The following HINFP variants were observed in gnomAD, a reference collection of about 807,000 sequenced individuals.
HINFP encodes the protein histone H4 transcription factor, also known as MBD2 (methyl-CpG-binding protein)-interacting zinc finger protein.
In HINFP, 20 loss-of-function variants were observed where a neutral mutation model predicts 50.1. That is an observed-to-expected ratio of 0.40 (90% CI 0.28 to 0.58). The LOEUF (loss-of-function observed/expected upper bound fraction) is 0.58, where lower values mean the gene tolerates loss of function less well. HINFP is among the 20% of genes least tolerant of loss of function. HINFP has a pLI of 0.45. For synonymous variants in HINFP, 247 were observed against 243.7 expected, an observed-to-expected ratio of 1.01 and a Z score of -0.13; for missense variants, 505 against 664.1, an observed-to-expected ratio of 0.76 and a Z score of 2.63.
At chr11:119,128,446 C>T (rs1947547697) in intron 2 of HINFP, among the ~76,000 whole-genome samples, 1 of 151,704 alleles carries the variant, frequency 6.6e-6, no homozygotes, top group Admixed American at 6.6e-5. Context: ...GCTGGGATTA[C>T]AGGTGCGTGC....
chr11:119,127,420 C>T (rs558210403), intron 2 of HINFP: 62 of 170,324 alleles, frequency 3.6e-4, no homozygotes, highest in Middle Eastern at 2.3e-3. Flanking sequence ...GATGAATGTG[C>T]TTTTTTTTAA....
At chr11:119,133,836 A>G (rs1031050607) in intron 9 of HINFP, 1 of 590,092 alleles carries the variant, frequency 1.7e-6, no homozygotes, top group Non-Finnish European at 3.0e-6. Flanking sequence ...TTCACCCTCC[A>G]ACACAGTCAG....
At chr11:119,122,200 A>G (rs1372834236) in intron 1 of HINFP, among the ~76,000 whole-genome samples, 1 of 152,186 alleles carries the variant, frequency 6.6e-6, no homozygotes, top group South Asian at 2.1e-4. Flanking sequence ...TCCTCAGAGT[A>G]GAAACAAGAG....
rs188590255 is a variant in HINFP, at chr11:119,131,285, G to A, written c.412-250G>A. On this transcript the variant is annotated intron_variant, in intron 3 of 9. Coordinates refer to ENST00000350777, the MANE Select transcript of HINFP (RefSeq NM_198971.3). This position sits in a 1 kb window ranked among gnomAD's most constrained non-coding sequence, Gnocchi z 4.2. The stretch of plus-strand genomic sequence containing the variant: ...TAAATTTTTTGTAGAGACAAGGTCT[G>A]GGTGTGTTGCCCAGGCCGGTCTCGA... 1 of 571,620 alleles carries A rather than the reference G, an allele frequency of 1.7e-6. No individual in the cohort carries two copies. Among genetic ancestry groups the A allele is most frequent in the African/African-American group, 1.9e-5 (1 of 53,764 alleles). 35.4% of individuals were successfully genotyped at this position (571,620 alleles called of 1,614,324 possible). A position where few individuals can be genotyped will look rare whatever the true frequency, so the allele number is the denominator to read the frequency against.
chr11:119,129,524 G>A (rs1378986228), intron 2 of HINFP, among the ~76,000 whole-genome samples: 1 of 126,452 alleles, frequency 7.9e-6, no homozygotes, highest in Non-Finnish European at 1.7e-5. Context: ...GCAGTGGCTC[G>A]ATCTCCGCTC....
At chr11:119,133,583 A>ATAAT (rs1164332637) in intron 9 of HINFP, 60 of 193,948 alleles carry the variant, frequency 3.1e-4, no homozygotes, top group African/African-American at 1.4e-3. Context: ...CATCTCAAAA[A>ATAAT]TAAATAAATA....
In HINFP at chr11:119,130,753, A is replaced by G. The variant is rs1476507779; in HGVS notation, c.210A>G (p.Glu70=). Residue 70 remains glutamate (E), a synonymous_variant, in exon 3 of 10, where the codon GAA becomes GAG. Coordinates refer to ENST00000350777, the MANE Select transcript of HINFP (RefSeq NM_198971.3). ...LEEEFSCLWQ[E]CGFCSLDSSA... The stretch of plus-strand genomic sequence containing the variant: ...AAGAATTCTCCTGCTTGTGGCAGGA[A>G]TGTGGCTTTTGTTCTCTGGACAGTT... 1 of 1,614,200 alleles carries G rather than the reference A, an allele frequency of 6.2e-7. No individual in the cohort carries two copies. The highest frequency in any genetic ancestry group is 1.1e-5 in the South Asian group (1 of 91,084).
chr11:119,133,147 G>A lies in HINFP; in HGVS notation c.1067G>A (p.Arg356Gln). 6.8e-6 allele frequency: 11 copies of A among 1,614,216 alleles called. No individual in the cohort carries two copies. Among genetic ancestry groups the A allele is most frequent in the Non-Finnish European group, 8.5e-6 (10 of 1,180,056 alleles). Residue 356 changes from arginine (R) to glutamine (Q), a missense_variant, in exon 9 of 10, where the codon CGG becomes CAG. Arg to Gln is a conservative substitution (Grantham distance 43). Coordinates refer to ENST00000350777, the MANE Select transcript of HINFP (RefSeq NM_198971.3). ...CATGTGTGTGACAAATGCTTCACAC[G>A]GGGCAACAACCTCACCGTGCACCTT... ...KCHVCDKCFTRGNNLTVHLRK... is the reference protein window; with the variant it reads ...KCHVCDKCFTQGNNLTVHLRK...
chr11:119,129,939 A>G (rs561151543), intron 2 of HINFP: 12 of 152,364 alleles, frequency 7.9e-5, no homozygotes, highest in African/African-American at 2.9e-4. Flanking sequence ...AATTCAAGTC[A>G]TATTTATACA....
Position 119,131,522 on chromosome 11 carries a change from GC to G in HINFP, c.412-9del. 1.3e-6 allele frequency: 2 copies of G among 1,598,356 alleles called. No individual in the cohort carries two copies. Among genetic ancestry groups the G allele is most frequent in the Admixed American group, 1.7e-5 (1 of 59,986 alleles). ...CCACCCTCAGTCCTCACCCCAAGTT[GC>G]CCCTGGCACAGAATTCCTTCGACAA... On this transcript the variant is annotated splice_polypyrimidine_tract_variant and intron_variant, in intron 3 of 9. Coordinates refer to ENST00000350777, the MANE Select transcript of HINFP (RefSeq NM_198971.3). This position sits in a 1 kb window ranked among gnomAD's most constrained non-coding sequence, Gnocchi z 4.2.
rs763727587 is a variant in HINFP at position 119,133,250 on chromosome 11, A to C, written c.1139+31A>C. 6.2e-6 allele frequency: 10 copies of C among 1,611,524 alleles called. No homozygotes were observed. The East Asian group carries it at 2.0e-4, about 32-fold the overall frequency. On this transcript the variant is annotated intron_variant, in intron 9 of 9. Transcript: ENST00000350777. ...TCTCTCAACCCTCCTTCCCAGATTA[A>C]CACACTTGTTTTTATACCTTTTCAA... is the stretch of plus-strand genomic sequence containing the variant.
chr11:119,128,472 A>AT (rs1163681396), intron 2 of HINFP, among the ~76,000 whole-genome samples: 1 of 148,360 alleles, frequency 6.7e-6, no homozygotes, highest in Non-Finnish European at 1.5e-5. Context: ...CGCCCGTCTA[A>AT]TTTTTTTTTG....
rs1281272708 is a variant in HINFP, at chr11:119,135,411, G to C, written c.*913G>C. 6.6e-6 allele frequency: 1 copy of C among 152,152 alleles called. No homozygotes were observed. The highest frequency in any genetic ancestry group is 1.5e-5 in the Non-Finnish European group (1 of 68,054). The allele number at this position is 152,152 out of a possible 1,614,324, so 9.4% of individuals were successfully genotyped here. Reference sequence around the variant, plus strand: ...GGTAGGGGTTCTTTACCTGGGAGTGGGAAGGAAGCTGGGGGGTGGAGAGGA... The same window carrying C: ...GGTAGGGGTTCTTTACCTGGGAGTGCGAAGGAAGCTGGGGGGTGGAGAGGA... On this transcript the variant is annotated 3_prime_UTR_variant, in exon 10 of 10. Coordinates refer to ENST00000350777, the MANE Select transcript of HINFP (RefSeq NM_198971.3).
At position 119,131,803 on chromosome 11, in the gene HINFP, A is replaced by C. The variant is rs1326366164; in HGVS notation, c.524-27A>C. 6.2e-7 allele frequency: 1 copy of C among 1,612,770 alleles called. No homozygotes were observed. Among genetic ancestry groups the C allele is most frequent in the Non-Finnish European group, 8.5e-7 (1 of 1,179,498 alleles). ...CTAGGCAAAACTGGGGTTTTGTGGCAGGAGACTGATAGGGCTTCCTTCCCA... is the reference window on the plus strand; with the variant it reads ...CTAGGCAAAACTGGGGTTTTGTGGCCGGAGACTGATAGGGCTTCCTTCCCA... On this transcript the variant is annotated intron_variant, in intron 4 of 9. Transcript: ENST00000350777. The surrounding 1 kb of genome is among the most constrained non-coding windows in gnomAD (Gnocchi z 4.2).
At position 119,135,815 on chromosome 11, in the gene HINFP, T is replaced by G. The variant is rs1948022239; in HGVS notation, c.*1317T>G. The G allele has an allele frequency of 6.6e-6, 1 of 151,990 alleles. No homozygotes were observed. The highest frequency in any genetic ancestry group is 6.6e-5 in the Admixed American group (1 of 15,254). 9.4% of individuals were successfully genotyped at this position (151,990 alleles called of 1,614,324 possible). Reference sequence around the variant, plus strand: ...AGGCTGAGGCGGGCGGATCACAAGGTCAAGAGATGGAGACCATCCTGGCCA... The same window carrying G: ...AGGCTGAGGCGGGCGGATCACAAGGGCAAGAGATGGAGACCATCCTGGCCA... On this transcript the variant is annotated 3_prime_UTR_variant, in exon 10 of 10. Transcript: ENST00000350777.
In HINFP at chr11:119,130,840, G is replaced by A. The variant is rs1486821939; in HGVS notation, c.297G>A (p.Gly99=). Residue 99 remains glycine, a synonymous_variant, in exon 3 of 10, where the codon GGG becomes GGA. Transcript: ENST00000350777. The part of the protein sequence containing the change: ...HCYHTKLKQW[G]LQALQSQADL... The stretch of plus-strand genomic sequence containing the variant: ...ACCACACCAAGCTGAAACAGTGGGG[G>A]CTGCAGGCCTTGCAAAGCCAGGCTG... 6.8e-6 allele frequency: 11 copies of A among 1,614,054 alleles called. No homozygotes were observed. In the Admixed American group the frequency reaches 1.8e-4, roughly 27 times the overall value.
At chr11:119,128,399 C>T (rs750315215) in intron 2 of HINFP, among the ~76,000 whole-genome samples, 78 of 151,474 alleles carry the variant, frequency 5.1e-4, no homozygotes, top group Non-Finnish European at 7.5e-4. Flanking sequence ...TCTGCCTCCT[C>T]GGTTCAAGCG....
Position 119,134,565 on chromosome 11 carries a change from C to A in HINFP, c.*67C>A. 7.6e-7 allele frequency: 1 copy of A among 1,311,334 alleles called. No homozygotes were observed. Among genetic ancestry groups the A allele is most frequent in the Non-Finnish European group, 1.0e-6 (1 of 966,008 alleles). 81.2% of individuals were successfully genotyped at this position (1,311,334 alleles called of 1,614,324 possible). A position where few individuals can be genotyped will look rare whatever the true frequency, so the allele number is the denominator to read the frequency against. On this transcript the variant is annotated 3_prime_UTR_variant, in exon 10 of 10. Transcript: ENST00000350777. This position sits in a 1 kb window ranked among gnomAD's most constrained non-coding sequence, Gnocchi z 4.3. ...TTGAGCCAGGCAAGTGGCAGTGCCC[C>A]TAGTGGGCAGCCGTTGCCAATGGAT...
intron 8 of HINFP, 40 bp from the exon 9 acceptor site, chr11:119,133,055 G>A: frequency 1.2e-6 from 2 of 1,614,206 alleles, no homozygotes; most frequent in Non-Finnish European, 1.7e-6. Context: ...GGACCCTGGG[G>A]TGAAGAGCTG....
Sources: allele counts gnomAD v4.1 joint callset (sites outside exome capture counted in the v4.1 genomes callset), GRCh38; gene constraint gnomAD v4.1.1; non-coding constraint Gnocchi (gnomAD v3.1); transcripts MANE v1.5; gene names NCBI Gene and HGNC (gene_info 2026-07-23, HGNC 2026-07-21).